Variants in PLCB4 observed in about 807,000 individuals in gnomAD.
PLCB4 encodes 1-phosphatidylinositol 4,5-bisphosphate phosphodiesterase beta-4.
In PLCB4, 77 loss-of-function variants were observed where a neutral mutation model predicts 178.8. The observed-to-expected ratio is 0.43, with a 90% confidence interval of 0.36 to 0.52. The LOEUF (loss-of-function observed/expected upper bound fraction) is 0.52. Among genes scored for constraint, PLCB4 ranks in the 20% least tolerant of loss-of-function variants. The pLI, the probability that PLCB4 is intolerant of heterozygous loss-of-function variation, is 0.00. For missense variants in PLCB4, 1,024 were observed against 1,453.4 expected (o/e 0.70, Z 4.80); for synonymous variants, 496 against 490.8 (o/e 1.01, Z -0.14).
chr20:9,444,149 C>T (rs377765320), intron 31 of PLCB4, 29 bp from the exon 32 acceptor site: 87 of 1,540,384 alleles, frequency 5.6e-5, no homozygotes, highest in Non-Finnish European at 7.7e-5. Context: ...AACAAAAAAC[C>T]TATTTTTGAT....
At position 9,372,325 on chromosome 20, in the gene PLCB4, C is replaced by T. The variant is rs1464974974; in HGVS notation, c.608C>T (p.Ala203Val). Residue 203 changes from alanine (A) to valine (V), a missense_variant, in exon 11 of 40, where the codon GCA becomes GTA. Ala to Val is a moderately conservative substitution (Grantham distance 64). Coordinates refer to ENST00000378473, the MANE Select transcript of PLCB4 (RefSeq NM_001377142.1). ...CAGAATGATGAAATTGAGCCCACAG[C>T]ATTTTCTTATGAAAAGTTCTATGAA... is the stretch of plus-strand genomic sequence containing the variant. The part of the protein sequence containing the change: ...SGKNDEIEPT[A>V]FSYEKFYELT... The T allele has an allele frequency of 6.3e-7, 1 of 1,587,348 alleles. No homozygotes were observed. The highest frequency in any genetic ancestry group is 1.1e-5 in the South Asian group (1 of 90,082).
At chr20:9,145,089 G>A (rs1217763999) in intron 2 of PLCB4, among the ~76,000 whole-genome samples, 1 of 152,078 alleles carries the variant, frequency 6.6e-6, no homozygotes, top group Admixed American at 6.6e-5. Context: ...TCATTAAAGA[G>A]GACAACTGGG....
intron 2 of PLCB4, among the ~76,000 whole-genome samples, chr20:9,205,075 A>G (rs571167712): frequency 1.3e-5 from 2 of 152,336 alleles, no homozygotes; most frequent in African/African-American, 4.8e-5. Context: ...AAATGGTAAC[A>G]CATCCTTTAG....
intron 1 of PLCB4, among the ~76,000 whole-genome samples, chr20:9,086,277 A>G (rs1218129265): frequency 6.6e-6 from 1 of 152,094 alleles, no homozygotes; most frequent in African/African-American, 2.4e-5. Context: ...GTTACTTGCA[A>G]CTACAGCATC....
intron 25 of PLCB4, among the ~76,000 whole-genome samples, chr20:9,417,788 T>C (rs971452951): frequency 6.6e-5 from 10 of 152,186 alleles, no homozygotes; most frequent in Non-Finnish European, 1.2e-4. Context: ...ACTGTCTTTC[T>C]AAGTGAATGC....
intron 2 of PLCB4, among the ~76,000 whole-genome samples, chr20:9,136,564 T>A (rs772374940): frequency 3.3e-5 from 5 of 152,004 alleles, no homozygotes; most frequent in Non-Finnish European, 7.4e-5. Context: ...AGGGTTTCAG[T>A]TCCTAGAGGA....
At chr20:9,441,432 T>C (rs998665532) in intron 30 of PLCB4, among the ~76,000 whole-genome samples, 43 of 152,126 alleles carry the variant, frequency 2.8e-4, no homozygotes, top group Non-Finnish European at 8.8e-5. Context: ...CTGTCTTAAT[T>C]TGAGTCACCC....
intron 30 of PLCB4, among the ~76,000 whole-genome samples, chr20:9,439,639 A>C (rs2041992274): frequency 6.6e-6 from 1 of 152,214 alleles, no homozygotes; most frequent in South Asian, 2.1e-4. Flanking sequence ...AAATAAGGAG[A>C]AGGTCTGCCA....
intron 1 of PLCB4, among the ~76,000 whole-genome samples, chr20:9,084,666 C>G (rs998712585): frequency 2.0e-5 from 3 of 151,888 alleles, no homozygotes; most frequent in Non-Finnish European, 4.4e-5. Flanking sequence ...AAATTTATCA[C>G]CAATGGAGAA....
chr20:9,245,255 G>T (rs1034008354), intron 3 of PLCB4, among the ~76,000 whole-genome samples: 1 of 152,180 alleles, frequency 6.6e-6, no homozygotes, highest in Non-Finnish European at 1.5e-5. Context: ...CCCAAGGTCA[G>T]TCCAGAATTT....
At chr20:9,427,488 C>A (rs1177588409) in intron 28 of PLCB4, among the ~76,000 whole-genome samples, 2 of 152,110 alleles carry the variant, frequency 1.3e-5, no homozygotes, top group African/African-American at 2.4e-5. Context: ...GTCTTTTACT[C>A]CCTCTGTCAT....
chr20:9,403,147 C>A (rs1271610363), intron 20 of PLCB4, among the ~76,000 whole-genome samples: 2 of 152,140 alleles, frequency 1.3e-5, no homozygotes, highest in Non-Finnish European at 2.9e-5. Context: ...ATATTATCAT[C>A]CTTTTCATCT....
chr20:9,088,600 A>G (rs1171801930), intron 1 of PLCB4, among the ~76,000 whole-genome samples: 3 of 152,186 alleles, frequency 2.0e-5, no homozygotes, highest in South Asian at 4.1e-4. Flanking sequence ...ATTGCAGGAT[A>G]TTGGTCTCTG....
intron 3 of PLCB4, among the ~76,000 whole-genome samples, chr20:9,220,728 G>A (rs77202969): frequency 0.022 from 3,380 of 152,226 alleles, 50 homozygotes; most frequent in Middle Eastern, 0.037. Context: ...CTTTCATTTT[G>A]CCTCTACTTT....
At chr20:9,096,072 T>C (rs2146598779) in intron 1 of PLCB4, among the ~76,000 whole-genome samples, 1 of 152,314 alleles carries the variant, frequency 6.6e-6, no homozygotes, top group African/African-American at 2.4e-5. Flanking sequence ...TTTATCCATT[T>C]TGTTCTTTAA....
At chr20:9,313,249 T>C (rs1252812627) in intron 4 of PLCB4, among the ~76,000 whole-genome samples, 1 of 152,238 alleles carries the variant, frequency 6.6e-6, no homozygotes, top group Admixed American at 6.5e-5. Flanking sequence ...TTTTCAACTT[T>C]TATAATCAAC....
rs113194354 is a variant in PLCB4 at position 9,303,902 on chromosome 20, T to G, written c.-15-3898T>G. Among the ~76,000 whole-genome samples the G allele has an allele frequency of 2.2e-3, 329 of 152,254 alleles. 2 individuals carry two copies. The highest frequency in any genetic ancestry group is 7.4e-3 in the African/African-American group (307 of 41,542). Reference sequence around the variant, plus strand: ...TATATACAATATTCTCTTAGAATATTCACATTCTCATTCTTTAATTATATC... The same window carrying G: ...TATATACAATATTCTCTTAGAATATGCACATTCTCATTCTTTAATTATATC... On this transcript the variant is annotated intron_variant, in intron 3 of 39. Transcript: ENST00000378473.
At chr20:9,126,282 G>A (rs754213102) in intron 2 of PLCB4, among the ~76,000 whole-genome samples, 1 of 152,058 alleles carries the variant, frequency 6.6e-6, no homozygotes, top group Non-Finnish European at 1.5e-5. Flanking sequence ...GTCATTCACT[G>A]AAGACACGTG....
At chr20:9,099,341 A>G (rs1291494808) in intron 2 of PLCB4, among the ~76,000 whole-genome samples, 6 of 152,172 alleles carry the variant, frequency 3.9e-5, no homozygotes, top group Admixed American at 2.6e-4. Flanking sequence ...ACTAGGGGCA[A>G]TAGAGGAACT....
Sources: allele counts gnomAD v4.1 joint callset (sites outside exome capture counted in the v4.1 genomes callset), GRCh38; gene constraint gnomAD v4.1.1; transcripts MANE v1.5; gene names NCBI Gene and HGNC (gene_info 2026-07-23, HGNC 2026-07-21).